The following MACF1 variants were observed in gnomAD, a reference collection of about 807,000 sequenced individuals.
The protein encoded by MACF1 is microtubule-actin cross-linking factor 1.
A neutral mutation model predicts 854.8 loss-of-function variants in MACF1; 193 were observed. That is an observed-to-expected ratio of 0.23 (90% CI 0.20 to 0.25). MACF1 has a LOEUF of 0.25. Ranked by LOEUF, MACF1 falls within the 10% of genes least tolerant of loss-of-function variation. The pLI is 1.00. For synonymous variants in MACF1, 3,185 were observed against 3,226.7 expected (o/e 0.99, Z 0.44); for missense variants, 7,722 against 8,929.1 (o/e 0.86, Z 5.45).
chr1:39,338,748 C>T (rs1646872957), intron 38 of MACF1, among the ~76,000 whole-genome samples: 1 of 152,176 alleles, frequency 6.6e-6, no homozygotes, highest in African/African-American at 2.4e-5. Flanking sequence ...TATATCCTTG[C>T]TCCCGCTATG....
At chr1:39,161,097 G>T (rs1245627697) in intron 2 of MACF1, among the ~76,000 whole-genome samples, 1 of 152,122 alleles carries the variant, frequency 6.6e-6, no homozygotes, top group East Asian at 1.9e-4. Flanking sequence ...CAGAATTGGG[G>T]TGCAATATTT....
intron 62 of MACF1, 69 bp from the exon 63 acceptor site, chr1:39,427,892 T>G: frequency 8.3e-7 from 1 of 1,199,490 alleles, no homozygotes; most frequent in Non-Finnish European, 1.2e-6. Flanking sequence ...TCATTTGTTA[T>G]TCATCATTTT....
At chr1:39,231,125 G>A (rs1315173001) in intron 1 of MACF1, 57 bp from the exon 2 acceptor site, 2 of 1,316,486 alleles carry the variant, frequency 1.5e-6, no homozygotes, top group Non-Finnish European at 2.2e-6. Flanking sequence ...GCAGCAGCGT[G>A]GGAACCTGTT....
At chr1:39,127,677 A>T (rs530898192) in intron 2 of MACF1, among the ~76,000 whole-genome samples, 4 of 152,228 alleles carry the variant, frequency 2.6e-5, no homozygotes, top group African/African-American at 7.2e-5. Context: ...AAAAACTCCT[A>T]GTTCTGGAAT....
chr1:39,111,366 TTTTA>T (rs34525332), intron 2 of MACF1, among the ~76,000 whole-genome samples: 8 of 148,124 alleles, frequency 5.4e-5, no homozygotes, highest in South Asian at 2.1e-4. Flanking sequence ...CAGCTAATTA[TTTTA>T]TTTATTTATT....
chr1:39,404,501 A>C (rs556578063), intron 58 of MACF1, among the ~76,000 whole-genome samples: 9 of 152,142 alleles, frequency 5.9e-5, no homozygotes, highest in African/African-American at 1.9e-4. Context: ...ACAACAACAA[A>C]AAAATTTGGA....
Position 39,324,282 on chromosome 1 carries a change from A to G in MACF1, c.4326A>G (p.Gly1442=). The change falls in exon 34 of 101, where the codon GGA becomes GGG. Residue 1442 remains glycine, a synonymous_variant. Transcript: ENST00000564288. ...WVSTLARNTQ[G]KATSSETKES... is the part of the protein sequence containing the mutation. ...CTACCCTAGCGAGGAATACACAAGG[A>G]AAAGCTACCTCATCCGAGACCAAAG... 1.2e-6 allele frequency: 2 copies of G among 1,614,050 alleles called. No individual in the cohort carries two copies. Among genetic ancestry groups the G allele is most frequent in the Non-Finnish European group, 1.7e-6 (2 of 1,179,942 alleles).
chr1:39,417,266 T>G (rs1362414673), intron 58 of MACF1, among the ~76,000 whole-genome samples: 1 of 152,240 alleles, frequency 6.6e-6, no homozygotes, highest in Non-Finnish European at 1.5e-5. Context: ...TGAGGCCTAC[T>G]GAGACCAATC....
rs1644183745 is a variant in MACF1 at position 39,187,074 on chromosome 1, AC to A, written c.221-44107del. ...TAGTTTTTTTATTCTTACCCCCTTA[AC>A]GTACACACTTTCTCTTCCCCCTTCT... is the stretch of plus-strand genomic sequence containing the variant. On this transcript the variant is annotated intron_variant, in intron 2 of 93. Transcript: ENST00000361689. Among the ~76,000 whole-genome samples the A allele has an allele frequency of 2.6e-5, 4 of 151,340 alleles. No homozygotes were observed. In the South Asian group the frequency reaches 6.3e-4, roughly 24 times the overall value.
At chr1:39,301,548 C>T (rs1216367074) in intron 22 of MACF1, among the ~76,000 whole-genome samples, 1 of 151,922 alleles carries the variant, frequency 6.6e-6, no homozygotes, top group Non-Finnish European at 1.5e-5. Context: ...GCCTCAGCCT[C>T]CCAAGTAGCA....
At chr1:39,369,997 G>A in intron 50 of MACF1, 33 bp from the exon 51 acceptor site, 4 of 1,590,586 alleles carry the variant, frequency 2.5e-6, no homozygotes, top group Non-Finnish European at 3.4e-6. Context: ...ATAAAACTTA[G>A]TCTGGCAAGT....
At chr1:39,198,054 C>T (rs1341631216) in intron 2 of MACF1, among the ~76,000 whole-genome samples, 1 of 151,804 alleles carries the variant, frequency 6.6e-6, no homozygotes, top group African/African-American at 2.4e-5. Flanking sequence ...AAAAATTAGC[C>T]AGACGTGGTG....
At chr1:39,360,550 T>G (rs1454086784) in intron 47 of MACF1, among the ~76,000 whole-genome samples, 3 of 151,724 alleles carry the variant, frequency 2.0e-5, no homozygotes, top group Admixed American at 6.6e-5. Context: ...CTATGTTCAA[T>G]GTAGGACTGG....
intron 58 of MACF1, among the ~76,000 whole-genome samples, chr1:39,400,148 G>C (rs1642420849): frequency 6.6e-6 from 1 of 152,172 alleles, no homozygotes; most frequent in Non-Finnish European, 1.5e-5. Flanking sequence ...TATGCACAGA[G>C]TCATTGCTAC....
At chr1:39,183,521 C>A (rs1282391800) in intron 2 of MACF1, among the ~76,000 whole-genome samples, 1 of 152,076 alleles carries the variant, frequency 6.6e-6, no homozygotes, top group African/African-American at 2.4e-5. Flanking sequence ...GTTACTGTTG[C>A]CCCAAATCTT....
intron 2 of MACF1, among the ~76,000 whole-genome samples, chr1:39,146,399 C>T (rs571418340): frequency 3.3e-5 from 5 of 150,686 alleles, no homozygotes; most frequent in East Asian, 1.9e-4. Context: ...GCTGAGATTA[C>T]GTCACTGCAC....
intron 2 of MACF1, among the ~76,000 whole-genome samples, chr1:39,131,891 C>A (rs1196203885): frequency 6.6e-6 from 1 of 152,214 alleles, no homozygotes; most frequent in Non-Finnish European, 1.5e-5. Context: ...AAGTGATCCT[C>A]CTGCCTCAGC....
intron 6 of MACF1, among the ~76,000 whole-genome samples, chr1:39,264,499 A>C (rs1645206686): frequency 6.6e-6 from 1 of 152,242 alleles, no homozygotes; most frequent in East Asian, 1.9e-4. Flanking sequence ...ATATTTATTA[A>C]ATGAATGGAT....
intron 60 of MACF1, among the ~76,000 whole-genome samples, chr1:39,423,583 C>T (rs1248369012): frequency 1.4e-5 from 2 of 142,586 alleles, no homozygotes; most frequent in African/African-American, 2.6e-5. Flanking sequence ...TGCAGTGAGC[C>T]GAGATCGAGC....
Sources: gnomAD v4.1 joint callset for allele counts (sites outside exome capture counted in the v4.1 genomes callset) on GRCh38, gnomAD v4.1.1 for gene constraint, MANE v1.5 for transcripts, NCBI Gene and HGNC (gene_info 2026-07-23, HGNC 2026-07-21) for gene names.